VPS13B: variants seen among roughly 807,000 people sequenced by gnomAD.
The protein encoded by VPS13B is intermembrane lipid transfer protein VPS13B.
In VPS13B, 285 loss-of-function variants were observed where a neutral mutation model predicts 426.4. The ratio of observed to expected loss-of-function variants is 0.67; its 90% CI spans 0.61 to 0.74. The LOEUF (loss-of-function observed/expected upper bound fraction) is 0.74, where lower values mean the gene tolerates loss of function less well. Among genes scored for constraint, VPS13B ranks in the 30% least tolerant of loss-of-function variants. The pLI, the probability that VPS13B is intolerant of heterozygous loss-of-function variation, is 0.00. For missense variants in VPS13B, 4,537 were observed against 4,782.6 expected, an observed-to-expected ratio of 0.95 and a Z score of 1.51; for synonymous variants, 1,676 against 1,676.4, an observed-to-expected ratio of 1.00 and a Z score of 0.01.
chr8:99,448,793 C>G (rs1335680491), intron 23 of VPS13B, among the ~76,000 whole-genome samples: 7 of 152,116 alleles, frequency 4.6e-5, no homozygotes. Flanking sequence ...CATTTCCTCT[C>G]TTGTTCTTAT....
In VPS13B at chr8:99,122,018, A is replaced by T. The variant is rs545932016; in HGVS notation, c.1206+573A>T. Reference sequence around the variant, plus strand: ...AGGCACGTGCCACTGTGCCCAGCTAATTTTTTTTTTTTTTTAATATTTTGT... The same window carrying T: ...AGGCACGTGCCACTGTGCCCAGCTATTTTTTTTTTTTTTTTAATATTTTGT... On this transcript the variant is annotated intron_variant, in intron 8 of 61. Transcript: ENST00000357162. 6.3e-4 allele frequency among the ~76,000 whole-genome samples: 88 copies of T among 140,278 alleles called. 1 individual carries two copies. The highest frequency in any genetic ancestry group is 2.2e-3 in the African/African-American group (86 of 38,416). 92.0% of individuals were successfully genotyped at this position (140,278 alleles called of 152,430 possible). A position where few individuals can be genotyped will look rare whatever the true frequency, so the allele number is the denominator to read the frequency against.
At chr8:99,061,205 A>G (rs1032919807) in intron 3 of VPS13B, among the ~76,000 whole-genome samples, 28 of 150,886 alleles carry the variant, frequency 1.9e-4, no homozygotes, top group Non-Finnish European at 3.7e-4. Flanking sequence ...TTTGATTTCT[A>G]TTTGATTCAT....
intron 36 of VPS13B, among the ~76,000 whole-genome samples, chr8:99,701,827 T>A (rs1410271562): frequency 6.6e-6 from 1 of 152,118 alleles, no homozygotes; most frequent in African/African-American, 2.4e-5. Flanking sequence ...TCTTTATGCA[T>A]ACTCAAACAG....
chr8:99,138,057 C>A (rs1446206882), intron 12 of VPS13B, among the ~76,000 whole-genome samples: 1 of 152,196 alleles, frequency 6.6e-6, no homozygotes, highest in Non-Finnish European at 1.5e-5. Context: ...ATCTGGTCCA[C>A]AGATGATAAC....
At position 99,360,163 on chromosome 8, in the gene VPS13B, TTTCTTTCTTTC is replaced by T. The variant is rs1186430277; in HGVS notation, c.2825-24042_2825-24032del. Among the ~76,000 whole-genome samples the T allele has an allele frequency of 2.3e-4, 9 of 38,824 alleles. No individual in the cohort carries two copies. In the Admixed American group the frequency reaches 2.5e-3, roughly 11 times the overall value. 25.5% of individuals were successfully genotyped at this position (38,824 alleles called of 152,430 possible). ...CTTTCTTTCTTTCTTTCTTTCTTTC[TTTCTTTCTTTC>T]TTTCTTTCTTTCTTTCTCTCTCTCT... On this transcript the variant is annotated intron_variant, in intron 19 of 61. Transcript: ENST00000357162.
intron 33 of VPS13B, chr8:99,613,951 A>G (rs915085503): frequency 1.3e-4 from 20 of 152,276 alleles, no homozygotes; most frequent in African/African-American, 4.3e-4. Flanking sequence ...AGGTCACCAT[A>G]TTGATGCTGA....
chr8:99,518,633 T>C (rs373077538), intron 29 of VPS13B, among the ~76,000 whole-genome samples: 2 of 152,210 alleles, frequency 1.3e-5, no homozygotes, highest in East Asian at 3.8e-4. Flanking sequence ...TCTGGTTCCT[T>C]ATTTCTCTCA....
chr8:99,040,533 C>T (rs1017958996), intron 3 of VPS13B, among the ~76,000 whole-genome samples: 7 of 151,978 alleles, frequency 4.6e-5, no homozygotes, highest in Non-Finnish European at 8.8e-5. Context: ...TTAAATTTTG[C>T]GTAAAAACAT....
At chr8:99,399,193 G>A (rs1187587682) in intron 21 of VPS13B, among the ~76,000 whole-genome samples, 4 of 152,014 alleles carry the variant, frequency 2.6e-5, no homozygotes, top group Non-Finnish European at 4.4e-5. Context: ...TCAGAAAGTC[G>A]TCAGAGAATT....
At chr8:99,654,646 G>A (rs757345227) in intron 34 of VPS13B, among the ~76,000 whole-genome samples, 1 of 152,138 alleles carries the variant, frequency 6.6e-6, no homozygotes, top group Non-Finnish European at 1.5e-5. Context: ...AAGCCGTTGA[G>A]CATAGCCAAA....
intron 34 of VPS13B, among the ~76,000 whole-genome samples, chr8:99,648,713 C>T (rs1829690889): frequency 6.6e-6 from 1 of 151,994 alleles, no homozygotes; most frequent in African/African-American, 2.4e-5. Flanking sequence ...TATTCAAAAC[C>T]CTACCAGATA....
At chr8:99,388,793 T>G (rs1056099602) in intron 20 of VPS13B, among the ~76,000 whole-genome samples, 1 of 152,234 alleles carries the variant, frequency 6.6e-6, no homozygotes, top group Admixed American at 6.5e-5. Flanking sequence ...ACAAGAGCCT[T>G]ACTCTTGTGT....
At chr8:99,709,531 G>T (rs59943481) in intron 36 of VPS13B, among the ~76,000 whole-genome samples, 1 of 152,108 alleles carries the variant, frequency 6.6e-6, no homozygotes, top group African/African-American at 2.4e-5. Context: ...TCTGTTTATC[G>T]TACCAGTTGT....
At chr8:99,767,117 G>C in intron 40 of VPS13B, 147 bp downstream of exon 40, 1 of 822,262 alleles carries the variant, frequency 1.2e-6, no homozygotes, top group Non-Finnish European at 2.0e-6. Context: ...CACAAAGAAA[G>C]ACAAAATCTG....
At chr8:99,744,806 A>T (rs1396512215) in intron 39 of VPS13B, among the ~76,000 whole-genome samples, 5 of 122,546 alleles carry the variant, frequency 4.1e-5, no homozygotes, top group Non-Finnish European at 8.3e-5. Flanking sequence ...AACATCACAC[A>T]CCGGGGCCTG....
intron 21 of VPS13B, among the ~76,000 whole-genome samples, chr8:99,398,220 C>A (rs1814843775): frequency 6.6e-6 from 1 of 152,026 alleles, no homozygotes; most frequent in Admixed American, 6.6e-5. Flanking sequence ...TCTCAGGAGA[C>A]CATACAGAGC....
Position 99,784,312 on chromosome 8 carries a change from C to T in VPS13B, c.7780-3C>T. On this transcript the variant is annotated splice_region_variant and splice_polypyrimidine_tract_variant and intron_variant, in intron 42 of 61. Coordinates refer to ENST00000357162, the MANE Select transcript of VPS13B (RefSeq NM_152564.5). ...GTTGGCTTTCGTATCCTTTTTCTTT[C>T]AGAACAAATGCCCTGAGGTAGAGGA... 1 of 1,613,558 alleles carries T rather than the reference C, an allele frequency of 6.2e-7. No homozygotes were observed. Among genetic ancestry groups the T allele is most frequent in the South Asian group, 1.1e-5 (1 of 91,074 alleles).
At chr8:99,584,525 T>C (rs968767410) in intron 33 of VPS13B, among the ~76,000 whole-genome samples, 2 of 152,234 alleles carry the variant, frequency 1.3e-5, no homozygotes, top group Non-Finnish European at 2.9e-5. Context: ...GGCTACAGTC[T>C]GACAGAGGTT....
Position 99,135,700 on chromosome 8 carries a change from C to T in VPS13B, c.1530C>T (p.Arg510=), listed in dbSNP as rs149919865. Residue 510 remains arginine (R), a synonymous_variant, in exon 11 of 62, where the codon CGC becomes CGT. Transcript: ENST00000357162. ...GAAGCCCAGAAAATAATGGTACTCG[C>T]GCAGAATTTATCTTGGATTCAACTC... ...DYRSPENNGT[R]AEFILDSTHH... 66 of 1,613,194 alleles carry T rather than the reference C, an allele frequency of 4.1e-5. No homozygotes were observed. The highest frequency in any genetic ancestry group is 2.1e-4 in the African/African-American group (16 of 74,980).
Sources: gnomAD v4.1 joint callset for allele counts (sites outside exome capture counted in the v4.1 genomes callset) on GRCh38, gnomAD v4.1.1 for gene constraint, MANE v1.5 for transcripts, NCBI Gene and HGNC (gene_info 2026-07-23, HGNC 2026-07-21) for gene names.